Variants in CADM1 observed in about 807,000 individuals in gnomAD.
The protein encoded by CADM1 is TSLC-1.
A neutral mutation model predicts 53.1 loss-of-function variants in CADM1; 15 were observed. The ratio of observed to expected loss-of-function variants is 0.28; its 90% confidence interval spans 0.19 to 0.44. CADM1 has a LOEUF of 0.44. Ranked by LOEUF, CADM1 falls within the 20% of genes least tolerant of loss-of-function variation. The probability of loss-of-function intolerance (pLI) is 1.00; values close to 1 mark genes in which losing one functional copy is unlikely to be tolerated. For missense variants in CADM1, 434 were observed against 611.3 expected, an observed-to-expected ratio of 0.71 and a Z score of 3.06; for synonymous variants, 281 against 243.0, an observed-to-expected ratio of 1.16 and a Z score of -1.45.
chr11:115,303,275 A>G (rs1944280788), intron 1 of CADM1, among the ~76,000 whole-genome samples: 1 of 152,078 alleles, frequency 6.6e-6, no homozygotes, highest in South Asian at 2.1e-4. Flanking sequence ...AGATTCCAGT[A>G]TGCATGTAAT....
chr11:115,334,466 T>TCAATTGATGAGTACAGTACTCAC (rs1945213039), intron 1 of CADM1, among the ~76,000 whole-genome samples: 2 of 145,930 alleles, frequency 1.4e-5, no homozygotes, highest in African/African-American at 5.2e-5. Context: ...ACAGTACTCA[T>TCAATTGATGAGTACAGTACTCAC]CAATTGATGA....
At chr11:115,443,306 ACT>A (rs750649949) in intron 1 of CADM1, among the ~76,000 whole-genome samples, 2 of 152,124 alleles carry the variant, frequency 1.3e-5, no homozygotes, top group Non-Finnish European at 2.9e-5. Context: ...TCTCACCACC[ACT>A]CTCTGTGTTA....
At chr11:115,413,276 T>G (rs1947502904) in intron 1 of CADM1, among the ~76,000 whole-genome samples, 1 of 152,218 alleles carries the variant, frequency 6.6e-6, no homozygotes, top group South Asian at 2.1e-4. Context: ...AACAAATATT[T>G]CTGAGATTAT....
At chr11:115,484,144 ACT>A (rs1384373317) in intron 1 of CADM1, among the ~76,000 whole-genome samples, 1 of 152,060 alleles carries the variant, frequency 6.6e-6, no homozygotes. Flanking sequence ...CCTGAGCTAC[ACT>A]CTCTCAACTG....
At chr11:115,272,752 G>A (rs964775086) in intron 1 of CADM1, among the ~76,000 whole-genome samples, 3 of 124,166 alleles carry the variant, frequency 2.4e-5, no homozygotes, top group African/African-American at 9.2e-5. Context: ...ACTGTTGTGG[G>A]GTGGGGGGAG....
chr11:115,420,577 A>G (rs894243452), intron 1 of CADM1, among the ~76,000 whole-genome samples: 1 of 152,206 alleles, frequency 6.6e-6, no homozygotes, highest in South Asian at 2.1e-4. Context: ...AGGTCATTAA[A>G]AAGCTCTTAC....
At chr11:115,317,059 T>C (rs1029679709) in intron 1 of CADM1, among the ~76,000 whole-genome samples, 2 of 152,114 alleles carry the variant, frequency 1.3e-5, no homozygotes, top group Non-Finnish European at 2.9e-5. Context: ...CTTAAACACC[T>C]AGGACATTTA....
intron 1 of CADM1, among the ~76,000 whole-genome samples, chr11:115,352,720 G>A (rs888848424): frequency 1.3e-5 from 2 of 152,100 alleles, no homozygotes; most frequent in Non-Finnish European, 2.9e-5. Flanking sequence ...TAGTATTTTT[G>A]TGTATTTTAC....
chr11:115,390,905 G>A (rs1001707908), intron 1 of CADM1, among the ~76,000 whole-genome samples: 14 of 152,130 alleles, frequency 9.2e-5, no homozygotes, highest in African/African-American at 2.9e-4. Flanking sequence ...CTTTTGCCAA[G>A]TTGATATGTA....
chr11:115,395,655 T>C (rs1239327371), intron 1 of CADM1, among the ~76,000 whole-genome samples: 2 of 152,190 alleles, frequency 1.3e-5, no homozygotes, highest in Admixed American at 6.6e-5. Context: ...TCGGAGATGT[T>C]TGAAATGTGA....
intron 1 of CADM1, among the ~76,000 whole-genome samples, chr11:115,390,460 G>T (rs1946807500): frequency 6.6e-6 from 1 of 151,788 alleles, no homozygotes; most frequent in Non-Finnish European, 1.5e-5. Context: ...AAGAGAAGTA[G>T]GGGACAGAGG....
At position 115,325,344 on chromosome 11, in the gene CADM1, G is replaced by A. The variant is rs935760405; in HGVS notation, c.125-84924C>T. Among the ~76,000 whole-genome samples the A allele has an allele frequency of 3.3e-5, 5 of 152,254 alleles. 1 individual carries two copies. The highest frequency in any genetic ancestry group is 3.3e-4 in the Admixed American group (5 of 15,288). On this transcript the variant is annotated intron_variant, in intron 1 of 11. Coordinates refer to ENST00000331581, the MANE Select transcript of CADM1 (RefSeq NM_001301043.2). Reference sequence around the variant, plus strand: ...GGGCTTGGACATCAGTCATCAATAAGGGTCCTTGCCAAAAAGAAGTGGTGG... The same window carrying A: ...GGGCTTGGACATCAGTCATCAATAAAGGTCCTTGCCAAAAAGAAGTGGTGG...
Position 115,230,448 on chromosome 11 carries a change from A to T in CADM1, c.562+905T>A, listed in dbSNP as rs1041719701. 3.3e-5 allele frequency among the ~76,000 whole-genome samples: 5 copies of T among 152,204 alleles called. No individual in the cohort carries two copies. In the East Asian group the frequency reaches 9.6e-4, roughly 29 times the overall value. On this transcript the variant is annotated intron_variant, in intron 4 of 11. Coordinates refer to ENST00000331581, the MANE Select transcript of CADM1 (RefSeq NM_001301043.2). ...CATGCCACTAGCATTTCTGTCAAACAATTAGAGGAGTTCAGCCCCTAAGAC... is the reference window on the plus strand; with the variant it reads ...CATGCCACTAGCATTTCTGTCAAACTATTAGAGGAGTTCAGCCCCTAAGAC...
intron 1 of CADM1, among the ~76,000 whole-genome samples, chr11:115,378,454 A>G (rs1946493287): frequency 6.6e-6 from 1 of 152,156 alleles, no homozygotes; most frequent in Non-Finnish European, 1.5e-5. Flanking sequence ...CATTTCCTGC[A>G]CTATGGAAAA....
At chr11:115,458,370 T>A (rs993127766) in intron 1 of CADM1, among the ~76,000 whole-genome samples, 2 of 151,962 alleles carry the variant, frequency 1.3e-5, no homozygotes, top group Non-Finnish European at 2.9e-5. Context: ...AGTTTCCTCA[T>A]CAGTAAAATG....
At chr11:115,482,910 T>C (rs1949289988) in intron 1 of CADM1, among the ~76,000 whole-genome samples, 1 of 152,218 alleles carries the variant, frequency 6.6e-6, no homozygotes, top group Admixed American at 6.5e-5. Context: ...AATTCAAATG[T>C]CCTTCTGCCA....
chr11:115,238,370 A>G (rs1182826590), intron 3 of CADM1, 130 bp downstream of exon 3: 19 of 1,018,006 alleles, frequency 1.9e-5, no homozygotes, highest in Non-Finnish European at 2.6e-5. Context: ...TTTAAAATTC[A>G]GCAAGATGGG....
intron 1 of CADM1, among the ~76,000 whole-genome samples, chr11:115,282,663 A>T (rs1282089559): frequency 2.6e-5 from 4 of 152,136 alleles, no homozygotes; most frequent in Admixed American, 1.3e-4. Flanking sequence ...GTTAGAGGAG[A>T]CAGATGACCA....
chr11:115,289,061 G>A (rs1415111949), intron 1 of CADM1, among the ~76,000 whole-genome samples: 1 of 152,118 alleles, frequency 6.6e-6, no homozygotes, highest in African/African-American at 2.4e-5. Flanking sequence ...AAACGTTTCT[G>A]GAGATGAAAA....
Sources: allele counts gnomAD v4.1 joint callset (sites outside exome capture counted in the v4.1 genomes callset), GRCh38; gene constraint gnomAD v4.1.1; transcripts MANE v1.5; gene names NCBI Gene and HGNC (gene_info 2026-07-23, HGNC 2026-07-21).